The following DLG2 variants were observed in gnomAD, a reference collection of about 807,000 sequenced individuals.
The protein encoded by DLG2 is discs large MAGUK scaffold protein 2.
A neutral mutation model predicts 132.5 loss-of-function variants in DLG2; 45 were observed. The observed-to-expected ratio is 0.34, with a 90% CI of 0.27 to 0.44. DLG2 has a LOEUF of 0.44. Among genes scored for constraint, DLG2 ranks in the 20% least tolerant of loss-of-function variants. The probability of loss-of-function intolerance (pLI) is 1.00; values close to 1 mark genes in which losing one functional copy is unlikely to be tolerated. For missense variants in DLG2, 1,045 were observed against 1,196.9 expected (o/e 0.87, Z 1.87); for synonymous variants, 424 against 419.6 (o/e 1.01, Z -0.13).
At chr11:84,476,056 A>G (rs934987657) in intron 7 of DLG2, among the ~76,000 whole-genome samples, 2 of 152,256 alleles carry the variant, frequency 1.3e-5, no homozygotes, top group African/African-American at 2.4e-5. Context: ...CTGTACTTCA[A>G]ATAACAAGAA....
intron 4 of DLG2, among the ~76,000 whole-genome samples, chr11:85,257,352 CT>C (rs2076722953): frequency 6.6e-6 from 1 of 152,088 alleles, no homozygotes; most frequent in African/African-American, 2.4e-5. Flanking sequence ...TTAGAAGTAC[CT>C]TTTTCTATAC....
intron 21 of DLG2, among the ~76,000 whole-genome samples, chr11:83,514,202 C>T (rs937746024): frequency 6.6e-6 from 1 of 152,178 alleles, no homozygotes; most frequent in African/African-American, 2.4e-5. Flanking sequence ...TCTTTTATTT[C>T]ATTGAGCAGT....
At chr11:85,572,605 T>C (rs1041659046) in intron 3 of DLG2, among the ~76,000 whole-genome samples, 1 of 152,194 alleles carries the variant, frequency 6.6e-6, no homozygotes, top group African/African-American at 2.4e-5. Context: ...CAAGAAGTTG[T>C]ATCCCATTCA....
At chr11:84,648,707 C>A (rs1409736105) in intron 6 of DLG2, among the ~76,000 whole-genome samples, 3 of 151,892 alleles carry the variant, frequency 2.0e-5, no homozygotes, top group African/African-American at 4.8e-5. Context: ...TCCCTCAACC[C>A]CCGCCCTGTC....
chr11:84,221,184 T>C (rs1310903033), intron 8 of DLG2, among the ~76,000 whole-genome samples: 1 of 151,778 alleles, frequency 6.6e-6, no homozygotes, highest in African/African-American at 2.4e-5. Context: ...TAAAATTTAA[T>C]GTTAGGCTGG....
intron 8 of DLG2, among the ~76,000 whole-genome samples, chr11:84,175,102 A>C (rs1027293879): frequency 6.6e-6 from 1 of 152,196 alleles, no homozygotes; most frequent in Non-Finnish European, 1.5e-5. Context: ...AAAATTAGCA[A>C]ATGAGTGCCT....
chr11:85,110,273 T>G (rs1025924314), intron 6 of DLG2, among the ~76,000 whole-genome samples: 1 of 151,900 alleles, frequency 6.6e-6, no homozygotes, highest in African/African-American at 2.4e-5. Flanking sequence ...AAAAATTAGC[T>G]GGGCTTAGTG....
At chr11:84,722,336 C>G in intron 6 of DLG2, among the ~76,000 whole-genome samples, 1 of 152,142 alleles carries the variant, frequency 6.6e-6, no homozygotes, top group East Asian at 1.9e-4. Flanking sequence ...TGTCAGACCA[C>G]CTATATCCGA....
intron 9 of DLG2, among the ~76,000 whole-genome samples, chr11:84,136,351 C>T (rs752685513): frequency 2.6e-5 from 4 of 152,074 alleles, no homozygotes; most frequent in Non-Finnish European, 4.4e-5. Flanking sequence ...TTACTAAAAT[C>T]TTTTGTTTTC....
At chr11:84,644,276 G>A (rs906181705) in intron 6 of DLG2, among the ~76,000 whole-genome samples, 4 of 152,070 alleles carry the variant, frequency 2.6e-5, no homozygotes, top group African/African-American at 9.7e-5. Context: ...ATCTGTCTGA[G>A]CATCTCCTAG....
intron 6 of DLG2, among the ~76,000 whole-genome samples, chr11:85,015,900 A>G (rs534644940): frequency 7.9e-5 from 12 of 152,318 alleles, no homozygotes; most frequent in African/African-American, 1.9e-4. Flanking sequence ...ATGGAAATCA[A>G]TGTTATCTCT....
At chr11:84,564,068 A>T (rs561999779) in intron 6 of DLG2, among the ~76,000 whole-genome samples, 3 of 152,326 alleles carry the variant, frequency 2.0e-5, no homozygotes, top group Non-Finnish European at 1.5e-5. Flanking sequence ...TTAGAGGAAA[A>T]GAAAGAAGTC....
At chr11:85,359,655 TATAA>T (rs2083993322) in intron 3 of DLG2, among the ~76,000 whole-genome samples, 1 of 152,152 alleles carries the variant, frequency 6.6e-6, no homozygotes, top group African/African-American at 2.4e-5. Flanking sequence ...TATGCTGTAG[TATAA>T]TTAGAGAGCT....
chr11:84,073,771 T>C (rs747575815), intron 10 of DLG2, among the ~76,000 whole-genome samples: 10 of 152,226 alleles, frequency 6.6e-5, no homozygotes, highest in Non-Finnish European at 1.5e-4. Flanking sequence ...TGAACTCAAG[T>C]ATACCATGTG....
At chr11:85,369,624 G>C (rs2084823668) in intron 3 of DLG2, among the ~76,000 whole-genome samples, 1 of 152,164 alleles carries the variant, frequency 6.6e-6, no homozygotes, top group African/African-American at 2.4e-5. Flanking sequence ...CATGGTTTGT[G>C]CTCCAAGCCT....
At chr11:85,609,129 A>C (rs1403561372) in intron 2 of DLG2, among the ~76,000 whole-genome samples, 1 of 152,162 alleles carries the variant, frequency 6.6e-6, no homozygotes, top group Non-Finnish European at 1.5e-5. Flanking sequence ...TGAATTACTC[A>C]ATGATGTCCA....
intron 15 of DLG2, among the ~76,000 whole-genome samples, chr11:83,878,205 T>G (rs2065253969): frequency 6.6e-6 from 1 of 152,218 alleles, no homozygotes; most frequent in African/African-American, 2.4e-5. Context: ...CAAAGTCATG[T>G]GTGCTTTCAG....
intron 19 of DLG2, among the ~76,000 whole-genome samples, chr11:83,600,954 A>T (rs905138735): frequency 6.6e-6 from 1 of 152,192 alleles, no homozygotes; most frequent in Non-Finnish European, 1.5e-5. Flanking sequence ...GTATTGAGGG[A>T]AGCATTGCCT....
At position 85,355,977 on chromosome 11, in the gene DLG2, T is replaced by A. The variant is rs1385725683; in HGVS notation, c.41-70612A>T. Among the ~76,000 whole-genome samples, 4 of 152,216 alleles carry A rather than the reference T, an allele frequency of 2.6e-5. No homozygotes were observed. In the East Asian group the frequency reaches 7.7e-4, roughly 29 times the overall value. On this transcript the variant is annotated intron_variant, in intron 3 of 27. Coordinates refer to ENST00000376104, the MANE Select transcript of DLG2 (RefSeq NM_001142699.3). Reference sequence around the variant, plus strand: ...TGGGCTGTGATCCATCTTGCACAGATCACCAAACACCCACCAAAGGGTAAT... The same window carrying A: ...TGGGCTGTGATCCATCTTGCACAGAACACCAAACACCCACCAAAGGGTAAT...
Sources: gnomAD v4.1 joint callset for allele counts (sites outside exome capture counted in the v4.1 genomes callset) on GRCh38, gnomAD v4.1.1 for gene constraint, MANE v1.5 for transcripts, NCBI Gene and HGNC (gene_info 2026-07-23, HGNC 2026-07-21) for gene names.